KIAA1217: variants seen among roughly 807,000 people sequenced by gnomAD.
KIAA1217 encodes the protein sickle tail protein homolog.
KIAA1217 carries 88 observed loss-of-function variants against 163.9 expected under a neutral mutation model. That is an observed-to-expected ratio of 0.54 (90% CI 0.45 to 0.64). The LOEUF (loss-of-function observed/expected upper bound fraction) is 0.64, where lower values mean the gene tolerates loss of function less well. Ranked by LOEUF, KIAA1217 falls within the 30% of genes least tolerant of loss-of-function variation. The pLI is 0.00. For missense variants in KIAA1217, 2,372 were observed against 2,475.0 expected (o/e 0.96, Z 0.88); for synonymous variants, 903 against 923.1 (o/e 0.98, Z 0.39).
chr10:23,815,373 G>T (rs377656030), intron 1 of KIAA1217, among the ~76,000 whole-genome samples: 1 of 152,266 alleles, frequency 6.6e-6, no homozygotes, highest in South Asian at 2.1e-4. Context: ...GGCTGGGCGC[G>T]GTGGCTCACG....
chr10:24,278,262 G>A (rs966870108), intron 2 of KIAA1217, among the ~76,000 whole-genome samples: 2 of 152,196 alleles, frequency 1.3e-5, no homozygotes, highest in Non-Finnish European at 2.9e-5. Flanking sequence ...GAAGATGGAT[G>A]AGAGTTACTC....
intron 2 of KIAA1217, among the ~76,000 whole-genome samples, chr10:24,035,637 G>A (rs1848363592): frequency 2.0e-5 from 3 of 152,162 alleles, no homozygotes; most frequent in Admixed American, 1.3e-4. Context: ...AGGTGGTCAC[G>A]TGAGGTTCTT....
At position 24,294,187 on chromosome 10, in the gene KIAA1217, C is replaced by CAAAAAA. The variant is rs371110913; in HGVS notation, c.354+74299_354+74304dup. ...TGGGTGACAGAGCGAGACTCCGTCT[C>CAAAAAA]AAAAAAAAAAAAAAAAAAAAAAAAA... is the stretch of plus-strand genomic sequence containing the variant. On this transcript the variant is annotated intron_variant, in intron 2 of 20. Transcript: ENST00000376454. Among the ~76,000 whole-genome samples, 62 of 55,090 alleles carry CAAAAAA rather than the reference C, an allele frequency of 1.1e-3. 13 individuals carry two copies. Among genetic ancestry groups the CAAAAAA allele is most frequent in the African/African-American group, 4.3e-3 (55 of 12,782 alleles). 36.1% of individuals were successfully genotyped at this position (55,090 alleles called of 152,430 possible). A position where few individuals can be genotyped will look rare whatever the true frequency, so the allele number is the denominator to read the frequency against.
intron 6 of KIAA1217, among the ~76,000 whole-genome samples, chr10:24,479,938 C>A (rs1430809889): frequency 6.6e-6 from 1 of 152,220 alleles, no homozygotes; most frequent in Middle Eastern, 3.2e-3. Flanking sequence ...CATGAGGGAT[C>A]TGCCCCCATA....
intron 2 of KIAA1217, among the ~76,000 whole-genome samples, chr10:24,121,866 T>C (rs1387886210): frequency 1.3e-5 from 2 of 152,160 alleles, no homozygotes; most frequent in African/African-American, 4.8e-5. Context: ...CTTTATTACA[T>C]ACTCAATGAT....
intron 2 of KIAA1217, among the ~76,000 whole-genome samples, chr10:24,030,209 ATTC>A (rs1848135085): frequency 6.6e-6 from 1 of 152,194 alleles, no homozygotes; most frequent in Admixed American, 6.5e-5. Flanking sequence ...CATTATGTGT[ATTC>A]ACATTGTCAT....
intron 1 of KIAA1217, among the ~76,000 whole-genome samples, chr10:23,788,642 G>T (rs532875275): frequency 4.9e-4 from 75 of 152,314 alleles, no homozygotes; most frequent in African/African-American, 1.7e-3. Flanking sequence ...ATGGGATTTT[G>T]ATATGCATTG....
rs146492778 is a variant in KIAA1217, at chr10:24,318,592, C to T, written c.355-62277C>T. On this transcript the variant is annotated intron_variant, in intron 2 of 20. Transcript: ENST00000376454. Reference sequence around the variant, plus strand: ...GTTTTCTCTTGAATACACACGTATACGCACACCTCCCCCTCTCTTATCTGG... The same window carrying T: ...GTTTTCTCTTGAATACACACGTATATGCACACCTCCCCCTCTCTTATCTGG... 2.0e-4 allele frequency among the ~76,000 whole-genome samples: 31 copies of T among 152,238 alleles called. No individual in the cohort carries two copies. In the South Asian group the frequency reaches 3.9e-3, roughly 19 times the overall value.
intron 1 of KIAA1217, among the ~76,000 whole-genome samples, chr10:23,915,029 CCTGTGA>C (rs1389701636): frequency 2.6e-5 from 4 of 151,128 alleles, no homozygotes; most frequent in Non-Finnish European, 5.9e-5. Flanking sequence ...ATAGACCCGA[CCTGTGA>C]CAGAAGAAAG....
chr10:24,104,688 G>A (rs553376013), intron 2 of KIAA1217, among the ~76,000 whole-genome samples: 19 of 152,280 alleles, frequency 1.2e-4, no homozygotes, highest in Admixed American at 5.2e-4. Context: ...ATGTAAACTC[G>A]TTGATTGTAA....
At chr10:24,438,514 G>T in intron 5 of KIAA1217, 35 bp downstream of exon 5, 1 of 1,396,562 alleles carries the variant, frequency 7.2e-7, no homozygotes, top group Non-Finnish European at 1.0e-6. Context: ...CTTATCTTCA[G>T]TGGGTCAAAG....
intron 3 of KIAA1217, among the ~76,000 whole-genome samples, chr10:24,430,228 A>C (rs2059486352): frequency 6.6e-6 from 1 of 152,192 alleles, no homozygotes; most frequent in Non-Finnish European, 1.5e-5. Context: ...GTCCTGACTA[A>C]GGAGCTGGCC....
intron 2 of KIAA1217, among the ~76,000 whole-genome samples, chr10:24,110,728 G>A (rs1469484611): frequency 6.6e-6 from 1 of 152,134 alleles, no homozygotes; most frequent in Non-Finnish European, 1.5e-5. Flanking sequence ...ATTGCCCAAT[G>A]GCAAAACGGC....
intron 2 of KIAA1217, among the ~76,000 whole-genome samples, chr10:24,319,375 C>CA (rs34410717): frequency 0.04 from 1,840 of 45,802 alleles, 394 homozygotes; most frequent in Non-Finnish European, 0.047. Flanking sequence ...GACGTTGTCT[C>CA]AAAAAAAAAA....
intron 12 of KIAA1217, among the ~76,000 whole-genome samples, chr10:24,523,904 G>GT (rs1341318448): frequency 6.6e-6 from 1 of 152,170 alleles, no homozygotes; most frequent in Non-Finnish European, 1.5e-5. Flanking sequence ...TTGAATCCAG[G>GT]TGGGGAAGCC....
intron 1 of KIAA1217, among the ~76,000 whole-genome samples, chr10:23,865,170 C>T (rs1840127124): frequency 6.6e-6 from 1 of 152,088 alleles, no homozygotes; most frequent in African/African-American, 2.4e-5. Flanking sequence ...CCCTTCATAT[C>T]AATAATTACA....
chr10:24,128,234 G>T (rs558820626), intron 2 of KIAA1217, among the ~76,000 whole-genome samples: 1 of 152,144 alleles, frequency 6.6e-6, no homozygotes, highest in Non-Finnish European at 1.5e-5. Flanking sequence ...TTCCAAAACA[G>T]TTGTTAGTCT....
At chr10:23,719,613 G>T (rs1837756256) in intron 1 of KIAA1217, among the ~76,000 whole-genome samples, 1 of 145,740 alleles carries the variant, frequency 6.9e-6, no homozygotes, top group African/African-American at 2.8e-5. Context: ...TAAATAAAAA[G>T]GAAGAAAAAG....
At chr10:23,970,369 G>C (rs1459098889) in intron 1 of KIAA1217, among the ~76,000 whole-genome samples, 3 of 152,184 alleles carry the variant, frequency 2.0e-5, no homozygotes, top group African/African-American at 7.2e-5. Context: ...TTAGGCTGAA[G>C]GAAGTAAGTC....
Sources: allele counts gnomAD v4.1 joint callset (sites outside exome capture counted in the v4.1 genomes callset), GRCh38; gene constraint gnomAD v4.1.1; transcripts MANE v1.5; gene names NCBI Gene and HGNC (gene_info 2026-07-23, HGNC 2026-07-21).